Variants in SESN1 observed in about 807,000 individuals in gnomAD.
SESN1 encodes the protein sestrin 1, also known as sestrin-1.
In SESN1, 30 loss-of-function variants were observed where a neutral mutation model predicts 59.3. The observed-to-expected ratio is 0.51, with a 90% CI of 0.38 to 0.69. The LOEUF (loss-of-function observed/expected upper bound fraction) is 0.69. Ranked by LOEUF, SESN1 falls within the 30% of genes least tolerant of loss-of-function variation. The pLI, the probability that SESN1 is intolerant of heterozygous loss-of-function variation, is 0.00. For synonymous variants in SESN1, 197 were observed against 219.9 expected, an observed-to-expected ratio of 0.90 and a Z score of 0.92; for missense variants, 566 against 673.0, an observed-to-expected ratio of 0.84 and a Z score of 1.76.
chr6:109,031,613 C>G (rs1780183497), intron 1 of SESN1, among the ~76,000 whole-genome samples: 1 of 152,172 alleles, frequency 6.6e-6, no homozygotes, highest in African/African-American at 2.4e-5. Flanking sequence ...TGAAAATTTC[C>G]TCTGTGGCAG....
At chr6:108,990,426 T>C (rs2114260805) in intron 8 of SESN1, among the ~76,000 whole-genome samples, 1 of 152,346 alleles carries the variant, frequency 6.6e-6, no homozygotes, top group East Asian at 1.9e-4. Context: ...TCAATTCTTG[T>C]CAAGGTCCCT....
At chr6:109,086,744 T>C (rs528161507) in intron 1 of SESN1, among the ~76,000 whole-genome samples, 1 of 148,258 alleles carries the variant, frequency 6.7e-6, no homozygotes, top group East Asian at 1.9e-4. Context: ...CTATATCCCA[T>C]TTGTAAACAA....
intron 1 of SESN1, among the ~76,000 whole-genome samples, chr6:109,080,150 T>C (rs368302508): frequency 6.6e-6 from 1 of 152,146 alleles, no homozygotes; most frequent in Non-Finnish European, 1.5e-5. Flanking sequence ...CTAGAGTTAC[T>C]TGTGGGGCGG....
chr6:109,090,193 T>C (rs181589203), intron 1 of SESN1, among the ~76,000 whole-genome samples: 59 of 152,304 alleles, frequency 3.9e-4, no homozygotes, highest in African/African-American at 1.3e-3. Flanking sequence ...AGCATAATGC[T>C]CATTTTGCAG....
At chr6:109,089,146 C>T (rs919985063) in intron 1 of SESN1, among the ~76,000 whole-genome samples, 2 of 152,070 alleles carry the variant, frequency 1.3e-5, no homozygotes, top group Non-Finnish European at 2.9e-5. Context: ...AACTACAGCC[C>T]TTTTAGCTGA....
At chr6:109,009,777 G>C (rs922456610) in intron 1 of SESN1, among the ~76,000 whole-genome samples, 1 of 152,108 alleles carries the variant, frequency 6.6e-6, no homozygotes, top group Non-Finnish European at 1.5e-5. Flanking sequence ...TACGGAATGG[G>C]CTCTGGAGGG....
At chr6:109,026,888 C>T (rs1780103405) in intron 1 of SESN1, among the ~76,000 whole-genome samples, 1 of 151,926 alleles carries the variant, frequency 6.6e-6, no homozygotes, top group Admixed American at 6.5e-5. Context: ...TATAAGACAT[C>T]TTCTGCCAGG....
At position 109,055,503 on chromosome 6, in the gene SESN1, A is replaced by T. The variant is rs139061050; in HGVS notation, c.279+38292T>A. On this transcript the variant is annotated intron_variant, in intron 1 of 9. Coordinates refer to ENST00000436639, the MANE Select transcript of SESN1 (RefSeq NM_014454.3). ...TGGTGAAACCCTGTCTCTACTAAAA[A>T]TACCAAAAAATTAGCCGGGTGTGGT... Among the ~76,000 whole-genome samples, 1,317 of 152,016 alleles carry T rather than the reference A, an allele frequency of 8.7e-3. 24 individuals carry two copies. The highest frequency in any genetic ancestry group is 0.03 in the African/African-American group (1,249 of 41,434).
chr6:109,058,489 C>G (rs1322644331), intron 1 of SESN1, among the ~76,000 whole-genome samples: 2 of 152,118 alleles, frequency 1.3e-5, no homozygotes, highest in African/African-American at 4.8e-5. Context: ...GACAAAATTG[C>G]CTGATGACAT....
At chr6:109,074,271 C>T in intron 1 of SESN1, among the ~76,000 whole-genome samples, 1 of 151,048 alleles carries the variant, frequency 6.6e-6, no homozygotes, top group Admixed American at 6.6e-5. Context: ...CATTAAGCAA[C>T]ACATAACTGT....
chr6:108,991,228 AGTGTGTGTGT>A (rs112709389), intron 7 of SESN1, among the ~76,000 whole-genome samples: 2 of 148,048 alleles, frequency 1.4e-5, no homozygotes, highest in Non-Finnish European at 3.0e-5. Flanking sequence ...TCAAATTATG[AGTGTGTGTGT>A]GTGTGTGTGT....
At chr6:109,057,772 T>C (rs966525162) in intron 1 of SESN1, among the ~76,000 whole-genome samples, 2 of 152,280 alleles carry the variant, frequency 1.3e-5, no homozygotes, top group African/African-American at 2.4e-5. Flanking sequence ...ATGTCTCCCT[T>C]TGACATACTA....
intron 1 of SESN1, among the ~76,000 whole-genome samples, chr6:109,090,400 G>A (rs1781292138): frequency 6.6e-6 from 1 of 152,106 alleles, no homozygotes; most frequent in Non-Finnish European, 1.5e-5. Flanking sequence ...GAAAATCTGT[G>A]TTTAACTTGT....
At chr6:109,055,807 A>C (rs1305267858) in intron 1 of SESN1, among the ~76,000 whole-genome samples, 2 of 152,190 alleles carry the variant, frequency 1.3e-5, no homozygotes, top group East Asian at 3.8e-4. Flanking sequence ...TTAAATTTCC[A>C]AAAATTGTGT....
Position 108,990,644 on chromosome 6 carries a change from C to A in SESN1, c.1424+1G>T. 1 of 1,613,738 alleles carries A rather than the reference C, an allele frequency of 6.2e-7. No individual in the cohort carries two copies. Among genetic ancestry groups the A allele is most frequent in the Non-Finnish European group, 8.5e-7 (1 of 1,179,792 alleles). ...TTTATAAACACAGAAAGAAGACTAA[C>A]CTTATTCCAAACATGCAGTGAATAT... is the stretch of plus-strand genomic sequence containing the variant. On this transcript the variant is annotated splice_donor_variant, in intron 8 of 9. Transcript: ENST00000436639. LOFTEE classifies it high-confidence loss of function.
chr6:109,050,388 TAAA>T (rs571788136), intron 1 of SESN1, among the ~76,000 whole-genome samples: 3 of 134,056 alleles, frequency 2.2e-5, no homozygotes, highest in African/African-American at 8.1e-5. Flanking sequence ...TTTAAATTGT[TAAA>T]AAAAAAAAAA....
rs755200320 is a variant in SESN1 at position 108,994,615 on chromosome 6, G to C, written c.973-6C>G. The C allele has an allele frequency of 1.3e-6, 2 of 1,522,306 alleles. No homozygotes were observed. Among genetic ancestry groups the C allele is most frequent in the South Asian group, 2.4e-5 (2 of 84,650 alleles). The allele number at this position is 1,522,306 out of a possible 1,614,324, so 94.3% of individuals were successfully genotyped here. On this transcript the variant is annotated splice_region_variant and splice_polypyrimidine_tract_variant and intron_variant, in intron 5 of 9. Transcript: ENST00000436639. ...TCAAAGAAAGAATCACTTACCTGAA[G>C]AAAAAATACAATTAATGTTACATGT...
intron 4 of SESN1, 125 bp from the exon 5 acceptor site, chr6:108,998,880 T>C (rs1779557793): frequency 8.4e-6 from 10 of 1,186,178 alleles, no homozygotes; most frequent in Middle Eastern, 2.9e-4. Context: ...AAAATTATCA[T>C]TTGAAACATG....
At chr6:109,035,855 G>GC (rs1390522273) in intron 1 of SESN1, among the ~76,000 whole-genome samples, 7 of 152,142 alleles carry the variant, frequency 4.6e-5, no homozygotes, top group African/African-American at 1.7e-4. Context: ...TGATCCTCCT[G>GC]CCTCAGCCTC....
Sources: allele counts gnomAD v4.1 joint callset (sites outside exome capture counted in the v4.1 genomes callset), GRCh38; gene constraint gnomAD v4.1.1; transcripts MANE v1.5; gene names NCBI Gene and HGNC (gene_info 2026-07-23, HGNC 2026-07-21).